Variants in CALR3 observed in about 807,000 individuals in gnomAD.
CALR3 encodes calreticulin 3.
In CALR3, 39 loss-of-function variants were observed where a neutral mutation model predicts 48.7. That is an observed-to-expected ratio of 0.80 (90% confidence interval 0.62 to 1.05). The LOEUF (loss-of-function observed/expected upper bound fraction) is 1.05, where lower values mean the gene tolerates loss of function less well. Ranked by LOEUF, CALR3 falls within the 50% of genes least tolerant of loss-of-function variation. The pLI is 0.00. For missense variants in CALR3, 449 were observed against 474.7 expected (o/e 0.95, Z 0.50); for synonymous variants, 185 against 172.7 (o/e 1.07, Z -0.56).
At chr19:16,488,604 T>A (rs906668395) in intron 3 of CALR3, among the ~76,000 whole-genome samples, 7 of 152,110 alleles carry the variant, frequency 4.6e-5, no homozygotes, top group African/African-American at 1.7e-4. Context: ...GATAGGGTTT[T>A]ACCATGTTAG....
At chr19:16,488,393 T>C (rs2093392430) in intron 3 of CALR3, among the ~76,000 whole-genome samples, 1 of 152,134 alleles carries the variant, frequency 6.6e-6, no homozygotes, top group African/African-American at 2.4e-5. Context: ...TGAGGATGAA[T>C]ATTTTGGAAG....
At position 16,485,158 on chromosome 19, in the gene CALR3, GTTACC is replaced by G. The variant is rs777384464; in HGVS notation, c.492_492+4del. On this transcript the variant is annotated splice_donor_variant and splice_donor_region_variant and coding_sequence_variant and intron_variant, in exon 4 of 9. Coordinates refer to ENST00000269881, the MANE Select transcript of CALR3 (RefSeq NM_145046.5). LOFTEE classifies it high-confidence loss of function. ...ACTCATTTATTTGAATACAAGAGCA[GTTACC>G]TTACACCTGATCAGTTTCTTGTTTT... 7 of 1,572,168 alleles carry G rather than the reference GTTACC, an allele frequency of 4.5e-6. No homozygotes were observed. The highest frequency in any genetic ancestry group is 5.3e-6 in the Non-Finnish European group (6 of 1,142,184).
At chr19:16,482,205 G>A (rs2093381972) in intron 7 of CALR3, among the ~76,000 whole-genome samples, 1 of 151,810 alleles carries the variant, frequency 6.6e-6, no homozygotes, top group Non-Finnish European at 1.5e-5. Flanking sequence ...ACCGCGCACA[G>A]CCTAGACTCC....
At position 16,479,197 on chromosome 19, in the gene CALR3, C is replaced by T. The variant is rs201203591; in HGVS notation, c.1089G>A (p.Leu363=). ...KKAREEEEEE[L]LSGKINRHEH... ...CGTGCCTGTTAATTTTTCCCGACAG[C>T]AGCTCTTCCTCCTCTTCCTCGCGGG... The change falls in exon 9 of 9, where the codon CTG becomes CTA. Residue 363 remains leucine (L), a synonymous_variant. Coordinates refer to ENST00000269881, the MANE Select transcript of CALR3 (RefSeq NM_145046.5). 6.2e-7 allele frequency: 1 copy of T among 1,614,132 alleles called. No homozygotes were observed. The highest frequency in any genetic ancestry group is 8.5e-7 in the Non-Finnish European group (1 of 1,180,020).
At chr19:16,490,620 T>C (rs922048443) in intron 2 of CALR3, 50 bp from the exon 3 acceptor site, 22 of 1,514,950 alleles carry the variant, frequency 1.5e-5, no homozygotes, top group Non-Finnish European at 2.0e-5. Context: ...CTGCGCTAAG[T>C]AACGCAGGAA....
chr19:16,483,796 G>A, intron 5 of CALR3, 134 bp downstream of exon 5: 1 of 783,382 alleles, frequency 1.3e-6, no homozygotes, highest in Non-Finnish European at 2.2e-6. Flanking sequence ...GGTCTGCAGT[G>A]TGTGCTCTGG....
At chr19:16,489,343 G>A (rs974607937) in intron 3 of CALR3, among the ~76,000 whole-genome samples, 8 of 152,242 alleles carry the variant, frequency 5.3e-5, no homozygotes, top group Admixed American at 1.3e-4. Flanking sequence ...TCTTGGCCGG[G>A]TGCAGTGGCT....
intron 5 of CALR3, among the ~76,000 whole-genome samples, chr19:16,483,045 C>T (rs1302923296): frequency 6.6e-6 from 1 of 152,056 alleles, no homozygotes; most frequent in Non-Finnish European, 1.5e-5. Context: ...GGGTCTCCCT[C>T]TGTTGCCCAG....
intron 2 of CALR3, among the ~76,000 whole-genome samples, chr19:16,492,713 A>G (rs1428659479): frequency 2.0e-5 from 3 of 151,734 alleles, no homozygotes; most frequent in African/African-American, 7.3e-5. Flanking sequence ...AAAAAAAAAA[A>G]TACAAAAAAT....
Position 16,488,838 on chromosome 19 carries a change from A to G in CALR3, c.397+1529T>C, listed in dbSNP as rs542359235. Among the ~76,000 whole-genome samples, 5 of 152,218 alleles carry G rather than the reference A, an allele frequency of 3.3e-5. No homozygotes were observed. The East Asian group carries it at 7.7e-4, about 23-fold the overall frequency. Reference sequence around the variant, plus strand: ...CCCCTGTTGTCAGGAGACATTTAATATTTTCTAGAGGTTTGCAGGCTTTTT... The same window carrying G: ...CCCCTGTTGTCAGGAGACATTTAATGTTTTCTAGAGGTTTGCAGGCTTTTT... On this transcript the variant is annotated intron_variant, in intron 3 of 8. Coordinates refer to ENST00000269881, the MANE Select transcript of CALR3 (RefSeq NM_145046.5).
Position 16,479,140 on chromosome 19 carries a change from A to C in CALR3, c.1146T>G (p.Asn382Lys), listed in dbSNP as rs777411023. ...EHYFNQFHRR[N>K]EL Reference sequence around the variant, plus strand: ...TATCCAATGGGGATCACTAAAGTTCATTCCTTCTGTGAAATTGATTGAAGT... The same window carrying C: ...TATCCAATGGGGATCACTAAAGTTCCTTCCTTCTGTGAAATTGATTGAAGT... The change falls in exon 9 of 9, where the codon AAT becomes AAG. Residue 382 changes from asparagine to lysine, a missense_variant. Coordinates refer to ENST00000269881, the MANE Select transcript of CALR3 (RefSeq NM_145046.5). 3.1e-6 allele frequency: 5 copies of C among 1,614,136 alleles called. No individual in the cohort carries two copies. Among genetic ancestry groups the C allele is most frequent in the Non-Finnish European group, 4.2e-6 (5 of 1,180,012 alleles).
At chr19:16,494,355 C>A (rs2093402434) in intron 2 of CALR3, among the ~76,000 whole-genome samples, 1 of 149,802 alleles carries the variant, frequency 6.7e-6, no homozygotes, top group Non-Finnish European at 1.5e-5. Flanking sequence ...AGCCACCGTG[C>A]CTGACCATAT....
chr19:16,481,091 C>G (rs2093379987), intron 7 of CALR3, among the ~76,000 whole-genome samples: 2 of 151,800 alleles, frequency 1.3e-5, no homozygotes, highest in Admixed American at 1.3e-4. Flanking sequence ...GAAGCAGAAG[C>G]TGCAGTGAGT....
chr19:16,494,946 G>A (rs2093404078), intron 2 of CALR3, among the ~76,000 whole-genome samples: 1 of 152,052 alleles, frequency 6.6e-6, no homozygotes, highest in Non-Finnish European at 1.5e-5. Flanking sequence ...TAATAATAAT[G>A]ATAATAGGCC....
intron 7 of CALR3, among the ~76,000 whole-genome samples, chr19:16,481,726 T>C (rs991532213): frequency 6.6e-5 from 10 of 151,874 alleles, no homozygotes; most frequent in Admixed American, 6.6e-5. Flanking sequence ...CTCAAACGCC[T>C]GAGCTCAGGC....
At chr19:16,480,582 G>T in intron 8 of CALR3, 32 bp downstream of exon 8, 2 of 1,431,240 alleles carry the variant, frequency 1.4e-6, no homozygotes, top group Non-Finnish European at 2.0e-6. Context: ...ATGAAATAGT[G>T]ATGTAGGAAG....
chr19:16,495,125 C>T (rs2093404520), intron 2 of CALR3, among the ~76,000 whole-genome samples: 2 of 151,062 alleles, frequency 1.3e-5, no homozygotes, highest in Non-Finnish European at 2.9e-5. Flanking sequence ...CCTCAGAAGC[C>T]TGAAGCAAGA....
intron 5 of CALR3, among the ~76,000 whole-genome samples, 194 bp from the exon 6 acceptor site, chr19:16,482,979 G>A (rs938958267): frequency 5.9e-5 from 9 of 151,934 alleles, no homozygotes; most frequent in Admixed American, 1.3e-4. Flanking sequence ...CAAGTAGCTC[G>A]GACTACAGGC....
At chr19:16,480,320 GGCAGGTGGA>G in intron 8 of CALR3, among the ~76,000 whole-genome samples, 1 of 152,066 alleles carries the variant, frequency 6.6e-6, no homozygotes, top group Non-Finnish European at 1.5e-5. Context: ...GGGAGGCCAA[GGCAGGTGGA>G]TCACCTGAGG....
Sources: allele counts gnomAD v4.1 joint callset (sites outside exome capture counted in the v4.1 genomes callset), GRCh38; gene constraint gnomAD v4.1.1; transcripts MANE v1.5; gene names NCBI Gene and HGNC (gene_info 2026-07-23, HGNC 2026-07-21).